ATP2B2: variants seen among roughly 807,000 people sequenced by gnomAD.
ATP2B2 encodes the protein plasma membrane calcium-transporting ATPase 2.
Under a neutral mutation model 120.0 loss-of-function variants are expected in ATP2B2, and 15 were observed. That is an observed-to-expected ratio of 0.12 (90% CI 0.08 to 0.19). ATP2B2 has a LOEUF of 0.19. Among genes scored for constraint, ATP2B2 ranks in the 10% least tolerant of loss-of-function variants. The probability of loss-of-function intolerance (pLI) is 1.00; values close to 1 mark genes in which losing one functional copy is unlikely to be tolerated. For missense variants in ATP2B2, 1,045 were observed against 1,719.8 expected (o/e 0.61, Z 6.94); for synonymous variants, 694 against 700.3 (o/e 0.99, Z 0.14).
intron 1 of ATP2B2, among the ~76,000 whole-genome samples, chr3:10,699,030 C>T (rs1195638371): frequency 6.6e-6 from 1 of 152,234 alleles, no homozygotes; most frequent in East Asian, 1.9e-4. Flanking sequence ...CTCTCTTCTA[C>T]TTCCTATATC....
chr3:10,694,277 A>G (rs1343568288), intron 1 of ATP2B2, among the ~76,000 whole-genome samples: 1 of 152,244 alleles, frequency 6.6e-6, no homozygotes, highest in Non-Finnish European at 1.5e-5. Flanking sequence ...CAACTGGACC[A>G]TCACCACAAG....
At chr3:10,334,111 G>A (rs2060053052) in intron 22 of ATP2B2, among the ~76,000 whole-genome samples, 1 of 152,260 alleles carries the variant, frequency 6.6e-6, no homozygotes, top group Non-Finnish European at 1.5e-5. Context: ...GGCTGTGAAA[G>A]CTAAGATGAG....
At chr3:10,692,764 G>A (rs534630613) in intron 1 of ATP2B2, among the ~76,000 whole-genome samples, 12 of 152,290 alleles carry the variant, frequency 7.9e-5, no homozygotes, top group African/African-American at 2.2e-4. Flanking sequence ...GGTTCACAGC[G>A]ATATGCCCAG....
In ATP2B2 at chr3:10,494,252, T is replaced by G. The variant is rs549924402; in HGVS notation, c.-320+11213A>C. 2.0e-5 allele frequency among the ~76,000 whole-genome samples: 3 copies of G among 152,274 alleles called. No homozygotes were observed. In the South Asian group the frequency reaches 6.2e-4, roughly 32 times the overall value. On this transcript the variant is annotated intron_variant, in intron 1 of 22. Transcript: ENST00000360273. ...CTGATCCCACGACTGCTGCTACCAC[T>G]GATAGCTGATTTTTTCATAGAGATT...
chr3:10,475,271 A>G (rs569657394), intron 1 of ATP2B2, among the ~76,000 whole-genome samples: 1 of 152,364 alleles, frequency 6.6e-6, no homozygotes, highest in East Asian at 1.9e-4. Context: ...TTTATTGTGT[A>G]GGAAATCAAG....
intron 1 of ATP2B2, among the ~76,000 whole-genome samples, chr3:10,660,229 G>A (rs1389713071): frequency 6.6e-6 from 1 of 151,962 alleles, no homozygotes; most frequent in Non-Finnish European, 1.5e-5. Flanking sequence ...CTAGCAGAAG[G>A]CAAGAAATAA....
At chr3:10,404,971 C>T (rs907923120) in intron 3 of ATP2B2, among the ~76,000 whole-genome samples, 3 of 152,116 alleles carry the variant, frequency 2.0e-5, no homozygotes, top group African/African-American at 7.2e-5. Context: ...CTCAATGGGG[C>T]CCCCATTAGA....
chr3:10,622,615 C>T (rs1322417601), intron 1 of ATP2B2, among the ~76,000 whole-genome samples: 1 of 152,132 alleles, frequency 6.6e-6, no homozygotes, highest in Admixed American at 6.5e-5. Flanking sequence ...CTGAAGCCAT[C>T]CCAGCTGTTG....
intron 1 of ATP2B2, among the ~76,000 whole-genome samples, chr3:10,656,934 G>C (rs1340161077): frequency 1.3e-5 from 2 of 152,248 alleles, no homozygotes; most frequent in Admixed American, 1.3e-4. Context: ...GAGTCAGCCA[G>C]GGGCTGGAGT....
chr3:10,334,818 G>GT (rs397752372), intron 22 of ATP2B2, among the ~76,000 whole-genome samples: 2 of 151,956 alleles, frequency 1.3e-5, no homozygotes, highest in East Asian at 1.9e-4. Context: ...GGCTGCAGGG[G>GT]TTGTGTTGTG....
chr3:10,498,251 C>A (rs185016799), intron 1 of ATP2B2, among the ~76,000 whole-genome samples: 17 of 152,200 alleles, frequency 1.1e-4, no homozygotes, highest in African/African-American at 4.1e-4. Flanking sequence ...AGCTGGTCAG[C>A]GGCCAGGCAT....
rs146521226 is a variant in ATP2B2 at position 10,448,806 on chromosome 3, T to C, written c.199+539A>G. ...TTGATTCCAGCCCAGTGGCAGGGAA[T>C]TGGCTGCACATTAGTCATGCTATGG... On this transcript the variant is annotated intron_variant, in intron 2 of 22. Transcript: ENST00000360273. 2.0e-3 allele frequency among the ~76,000 whole-genome samples: 303 copies of C among 152,314 alleles called. 4 individuals carry two copies. Among genetic ancestry groups the C allele is most frequent in the African/African-American group, 6.6e-3 (273 of 41,564 alleles).
In ATP2B2 at chr3:10,328,668, G is replaced by C; in HGVS notation, c.*146C>G. The C allele has an allele frequency of 1.3e-6, 1 of 796,014 alleles. No homozygotes were observed. Among genetic ancestry groups the C allele is most frequent in the Non-Finnish European group, 1.9e-6 (1 of 513,422 alleles). 49.3% of individuals were successfully genotyped at this position (796,014 alleles called of 1,614,324 possible). The stretch of plus-strand genomic sequence containing the variant: ...CAGCCAGAGAAAGGGTCTGTGGGTG[G>C]AAACGTTGGTTTTCTCTCCAGTATT... On this transcript the variant is annotated 3_prime_UTR_variant, in exon 23 of 23. Transcript: ENST00000360273.
chr3:10,459,814 G>A (rs34870), intron 1 of ATP2B2, among the ~76,000 whole-genome samples: 63,130 of 152,178 alleles, frequency 0.41, 15,613 homozygotes, highest in East Asian at 0.57. Context: ...CTCCAGCCCC[G>A]CCATTTATAC....
In ATP2B2 at chr3:10,359,929, C is replaced by G. The variant is rs1293738196; in HGVS notation, c.1854G>C (p.Glu618Asp). 6.2e-7 allele frequency: 1 copy of G among 1,614,110 alleles called. No homozygotes were observed. Among genetic ancestry groups the G allele is most frequent in the African/African-American group, 1.3e-5 (1 of 74,928 alleles). The change falls in exon 13 of 23, where the codon GAG becomes GAC. Residue 618 changes from glutamate (E) to aspartate (D), a missense_variant. Glu to Asp is a conservative substitution (Grantham distance 45). Transcript: ENST00000360273. ...CCCCCTTGCTGTACATGCGGAAGCT[C>G]TCGTCGGGCAGCTTGATGACAGTGC... The part of the protein sequence containing the change: ...SMSTVIKLPD[E>D]SFRMYSKGAS...
chr3:10,363,638 C>T (rs775024), intron 12 of ATP2B2, among the ~76,000 whole-genome samples: 63,965 of 151,770 alleles, frequency 0.42, 13,983 homozygotes, highest in South Asian at 0.59. Flanking sequence ...CTACACGTTA[C>T]GGATAACATT....
Position 10,350,161 on chromosome 3 carries a change from C to A in ATP2B2, c.2355G>T (p.Leu785=). ...TTGGGGAGGAGCGAGCCAGCACCCG[C>A]AGCTTTGGCCAGATCTTGTCAATTC... ...QERIDKIWPK[L]RVLARSSPTD... The change falls in exon 16 of 23, where the codon CTG becomes CTT. Residue 785 remains leucine, a synonymous_variant. Transcript: ENST00000360273. The A allele has an allele frequency of 6.2e-7, 1 of 1,610,396 alleles. No individual in the cohort carries two copies. Among genetic ancestry groups the A allele is most frequent in the African/African-American group, 1.4e-5 (1 of 73,578 alleles).
At chr3:10,672,936 T>C (rs1228197903) in intron 1 of ATP2B2, among the ~76,000 whole-genome samples, 2 of 152,138 alleles carry the variant, frequency 1.3e-5, no homozygotes, top group Non-Finnish European at 2.9e-5. Context: ...CCCAGAACTA[T>C]TCAGAGAACA....
chr3:10,628,637 C>T (rs894537982), intron 1 of ATP2B2, among the ~76,000 whole-genome samples: 11 of 152,258 alleles, frequency 7.2e-5, no homozygotes, highest in African/African-American at 2.2e-4. Flanking sequence ...TCTCCTTTCA[C>T]AGCCTTTACC....
Sources: allele counts gnomAD v4.1 joint callset (sites outside exome capture counted in the v4.1 genomes callset), GRCh38; gene constraint gnomAD v4.1.1; transcripts MANE v1.5; gene names NCBI Gene and HGNC (gene_info 2026-07-23, HGNC 2026-07-21).